The following GLMN variants were observed in gnomAD, a reference collection of about 807,000 sequenced individuals.
The protein encoded by GLMN is glomulin.
Under a neutral mutation model 87.8 loss-of-function variants are expected in GLMN, and 75 were observed. The observed-to-expected ratio is 0.85, with a 90% confidence interval of 0.71 to 1.04. The LOEUF (loss-of-function observed/expected upper bound fraction) is 1.04, where lower values mean the gene tolerates loss of function less well. Among genes scored for constraint, GLMN ranks in the 50% least tolerant of loss-of-function variants. The pLI is 0.00. For synonymous variants in GLMN, 206 were observed against 221.6 expected (o/e 0.93, Z 0.63); for missense variants, 588 against 658.8 (o/e 0.89, Z 1.18).
At chr1:92,343,796 AAGG>A in the GLMN span, among the ~76,000 whole-genome samples, 1 of 152,188 alleles carries the variant, frequency 6.6e-6, no homozygotes, top group Non-Finnish European at 1.5e-5. Context: ...ATAGCAGAAT[AAGG>A]AGGTCAGGAA....
chr1:92,277,970 G>C (rs1007313995), intron 7 of GLMN, among the ~76,000 whole-genome samples: 2 of 152,036 alleles, frequency 1.3e-5, no homozygotes, highest in African/African-American at 2.4e-5. Context: ...GGCATTGGAA[G>C]GGGGGGCAGT....
At chr1:92,326,981 C>T in the GLMN span, among the ~76,000 whole-genome samples, 1 of 152,210 alleles carries the variant, frequency 6.6e-6, no homozygotes, top group African/African-American at 2.4e-5. Context: ...ACTTCCTGTT[C>T]ATTTGGAATT....
At chr1:92,252,935 A>G (rs1017709395) in intron 16 of GLMN, among the ~76,000 whole-genome samples, 8 of 152,146 alleles carry the variant, frequency 5.3e-5, no homozygotes, top group African/African-American at 1.9e-4. Flanking sequence ...TCACAAAAGG[A>G]AGACTAGGCA....
chr1:92,249,267 C>CT (rs59926635), intron 16 of GLMN, among the ~76,000 whole-genome samples: 5,952 of 108,314 alleles, frequency 0.055, 309 homozygotes, highest in African/African-American at 0.15. Flanking sequence ...GATTACTATT[C>CT]TTTTTTTTTT....
At chr1:92,323,746 G>A in the GLMN span, 45 of 1,614,078 alleles carry the variant, frequency 2.8e-5, 1 homozygote, top group South Asian at 1.8e-4. Flanking sequence ...GCAGTTAGGC[G>A]ATTGCAAATT....
the GLMN span, among the ~76,000 whole-genome samples, chr1:92,346,169 GTT>G: frequency 3.6e-5 from 5 of 140,416 alleles, no homozygotes; most frequent in African/African-American, 2.6e-5. Context: ...TCTCTTTTTT[GTT>G]TTTTTTTTTT....
chr1:92,369,322 C>T, the GLMN span, among the ~76,000 whole-genome samples: 10 of 152,194 alleles, frequency 6.6e-5, no homozygotes, highest in East Asian at 7.7e-4. Context: ...AGGTCTGTCT[C>T]GCTGTTTCAT....
chr1:92,268,021 G>T lies in GLMN; in HGVS notation c.1009-19C>A. On this transcript the variant is annotated intron_variant, in intron 10 of 18. Coordinates refer to ENST00000370360, the MANE Select transcript of GLMN (RefSeq NM_053274.3). Reference sequence around the variant, plus strand: ...GCAGCTCCTACAGATTAAAATATATGCAGATACATATATAGTGAAGTCAAC... The same window carrying T: ...GCAGCTCCTACAGATTAAAATATATTCAGATACATATATAGTGAAGTCAAC... 1 of 1,440,300 alleles carries T rather than the reference G, an allele frequency of 6.9e-7. No homozygotes were observed. Among genetic ancestry groups the T allele is most frequent in the Non-Finnish European group, 9.8e-7 (1 of 1,021,190 alleles). The allele number at this position is 1,440,300 out of a possible 1,614,324, so 89.2% of individuals were successfully genotyped here.
At chr1:92,327,991 T>C in the GLMN span, among the ~76,000 whole-genome samples, 2 of 152,246 alleles carry the variant, frequency 1.3e-5, no homozygotes, top group African/African-American at 2.4e-5. Flanking sequence ...CTCCAATGTC[T>C]TCTAGCTTAT....
At chr1:92,321,855 T>C in the GLMN span, among the ~76,000 whole-genome samples, 1 of 152,058 alleles carries the variant, frequency 6.6e-6, no homozygotes, top group Non-Finnish European at 1.5e-5. Flanking sequence ...TGTTTACCCA[T>C]TTATTTTTAT....
At chr1:92,300,130 C>T, upstream of GLMN, 1 of 1,109,260 alleles carries the variant, frequency 9.0e-7, no homozygotes, top group South Asian at 1.3e-5. Flanking sequence ...AGACCGCTGT[C>T]TGTATGCTGT....
upstream of GLMN, among the ~76,000 whole-genome samples, chr1:92,302,590 A>ATTTTT (rs36067595): frequency 3.8e-3 from 279 of 74,336 alleles, 35 homozygotes; most frequent in African/African-American, 7.3e-3. Context: ...TCCGCATTAA[A>ATTTTT]TTTTTTTTTT....
At chr1:92,317,471 G>A in the GLMN span, among the ~76,000 whole-genome samples, 56 of 152,078 alleles carry the variant, frequency 3.7e-4, no homozygotes, top group Middle Eastern at 3.4e-3. Flanking sequence ...TTGTGCCACT[G>A]CACTCCAGCC....
chr1:92,351,599 A>G, the GLMN span, among the ~76,000 whole-genome samples: 6 of 152,080 alleles, frequency 3.9e-5, no homozygotes, highest in African/African-American at 1.4e-4. Context: ...GGTCTTCCCC[A>G]GTCTTCTGTG....
At chr1:92,286,134 T>C (rs892847288) in intron 7 of GLMN, among the ~76,000 whole-genome samples, 5 of 151,736 alleles carry the variant, frequency 3.3e-5, no homozygotes, top group African/African-American at 1.2e-4. Context: ...ACAGGTGAAA[T>C]ACATTATACT....
chr1:92,253,737 G>C (rs1243828589), intron 16 of GLMN, among the ~76,000 whole-genome samples: 2 of 152,136 alleles, frequency 1.3e-5, no homozygotes, highest in African/African-American at 2.4e-5. Context: ...TCAACAAAAA[G>C]GATGACCCAA....
At chr1:92,249,684 T>TA (rs1389126606) in intron 16 of GLMN, among the ~76,000 whole-genome samples, 1 of 152,160 alleles carries the variant, frequency 6.6e-6, no homozygotes, top group Non-Finnish European at 1.5e-5. Context: ...ATATTGTTGC[T>TA]AATTATAGTC....
chr1:92,253,313 C>T (rs1653782602), intron 16 of GLMN, among the ~76,000 whole-genome samples: 1 of 152,178 alleles, frequency 6.6e-6, no homozygotes, highest in African/African-American at 2.4e-5. Flanking sequence ...GGACAGAGCA[C>T]CTTGGGGAAA....
At chr1:92,279,456 C>CAAAA (rs35221344) in intron 7 of GLMN, among the ~76,000 whole-genome samples, 9 of 70,772 alleles carry the variant, frequency 1.3e-4, no homozygotes, top group East Asian at 3.7e-4. Context: ...GACTCTGTCA[C>CAAAA]AAAAAAAAAA....
Sources: gnomAD v4.1 joint callset for allele counts (sites outside exome capture counted in the v4.1 genomes callset) on GRCh38, gnomAD v4.1.1 for gene constraint, MANE v1.5 for transcripts, NCBI Gene and HGNC (gene_info 2026-07-23, HGNC 2026-07-21) for gene names.